Variants in PLAAT3 observed in about 807,000 individuals in gnomAD.
PLAAT3 encodes Ca-independent phospholipase A1/2.
PLAAT3 carries 21 observed loss-of-function variants against 16.7 expected under a neutral mutation model. That is an observed-to-expected ratio of 1.26 (90% CI 0.89 to 1.81). PLAAT3 has a LOEUF of 1.81. Among genes scored for constraint, PLAAT3 ranks in the 40% most tolerant of loss-of-function variants. The probability of loss-of-function intolerance (pLI) is 0.00; values close to 1 mark genes in which losing one functional copy is unlikely to be tolerated. For missense variants in PLAAT3, 219 were observed against 213.7 expected (o/e 1.02, Z -0.16); for synonymous variants, 76 against 81.7 (o/e 0.93, Z 0.38).
At chr11:63,607,321 T>C (rs1038151931) in intron 2 of PLAAT3, among the ~76,000 whole-genome samples, 1 of 152,000 alleles carries the variant, frequency 6.6e-6, no homozygotes, top group African/African-American at 2.4e-5. Flanking sequence ...GTGTTCCTTA[T>C]GAGATCAGCT....
In PLAAT3 at chr11:63,590,276, T is replaced by A. The variant is rs1454336013; in HGVS notation, c.211A>T (p.Ser71Cys). 16 of 1,614,188 alleles carry A rather than the reference T, an allele frequency of 9.9e-6. No homozygotes were observed. The African/African-American group carries it at 2.0e-4, about 20-fold the overall frequency. Reference sequence around the variant, plus strand: ...TTGTTGTTGACCTGGTACTTGTCACTCCCGGCCACATCATACAGCAATTCC... The same window carrying A: ...TTGTTGTTGACCTGGTACTTGTCACACCCGGCCACATCATACAGCAATTCC... ...KKELLYDVAG[S>C]DKYQVNNKHD... Residue 71 changes from serine to cysteine, a missense_variant, in exon 4 of 5, where the codon AGT (serine) becomes TGT (cysteine). Ser to Cys is a moderately radical substitution (Grantham distance 112). Transcript: ENST00000415826.
At chr11:63,611,151 A>T (rs1408273405) in intron 2 of PLAAT3, among the ~76,000 whole-genome samples, 1 of 152,068 alleles carries the variant, frequency 6.6e-6, no homozygotes, top group Non-Finnish European at 1.5e-5. Flanking sequence ...TCTGTCACCC[A>T]GGCTGGAGTG....
intron 2 of PLAAT3, among the ~76,000 whole-genome samples, chr11:63,605,627 C>T (rs1590698890): frequency 6.6e-6 from 1 of 151,800 alleles, no homozygotes; most frequent in East Asian, 2.0e-4. Context: ...ATCTCGGCTC[C>T]CTGCAAGCTC....
intron 4 of PLAAT3, among the ~76,000 whole-genome samples, chr11:63,580,004 T>G (rs1384488178): frequency 6.6e-6 from 1 of 151,848 alleles, no homozygotes; most frequent in Non-Finnish European, 1.5e-5. Context: ...TGACAAATAA[T>G]TCAGACACAC....
upstream of PLAAT3, among the ~76,000 whole-genome samples, chr11:63,615,372 A>G (rs1219804369): frequency 9.1e-6 from 1 of 109,888 alleles, no homozygotes; most frequent in East Asian, 2.9e-4. Flanking sequence ...GTGCATATAT[A>G]TGTGTGTATA....
upstream of PLAAT3, among the ~76,000 whole-genome samples, chr11:63,615,184 A>G (rs372297121): frequency 1.2e-3 from 11 of 9,540 alleles, 1 homozygote; most frequent in African/African-American, 2.0e-3. Flanking sequence ...ATATGTGTGT[A>G]TATATATGTG....
intron 3 of PLAAT3, 40 bp from the exon 4 acceptor site, chr11:63,590,408 G>A (rs1374063126): frequency 2.3e-5 from 37 of 1,596,384 alleles, no homozygotes; most frequent in Non-Finnish European, 3.0e-5. Context: ...ATTGGTCCTG[G>A]GAAGGGCCAC....
At chr11:63,598,205 C>T (rs750267636) in intron 2 of PLAAT3, 42 bp from the exon 3 acceptor site, 11 of 1,393,168 alleles carry the variant, frequency 7.9e-6, no homozygotes, top group East Asian at 4.6e-5. Context: ...AGCATGAGAT[C>T]GTGGAACCAG....
At chr11:63,578,763 A>T (rs1352825979) in intron 4 of PLAAT3, among the ~76,000 whole-genome samples, 1 of 151,778 alleles carries the variant, frequency 6.6e-6, no homozygotes, top group Non-Finnish European at 1.5e-5. Flanking sequence ...TAAAACCATA[A>T]AAACCCTAGA....
intron 3 of PLAAT3, among the ~76,000 whole-genome samples, chr11:63,592,226 G>C (rs1938170856): frequency 1.3e-5 from 2 of 152,014 alleles, no homozygotes; most frequent in African/African-American, 4.8e-5. Context: ...AAATGCAGTG[G>C]TGTGATCTTG....
At chr11:63,611,413 C>A (rs1250401592) in intron 2 of PLAAT3, among the ~76,000 whole-genome samples, 1 of 152,232 alleles carries the variant, frequency 6.6e-6, no homozygotes, top group Non-Finnish European at 1.5e-5. Flanking sequence ...ATTCTAATTG[C>A]TGCAGTTACC....
intron 3 of PLAAT3, among the ~76,000 whole-genome samples, chr11:63,595,699 GT>G (rs200819498): frequency 2.0e-5 from 3 of 151,936 alleles, no homozygotes; most frequent in Admixed American, 1.3e-4. Flanking sequence ...TACATGGATG[GT>G]TTTTTTTAAT....
intron 4 of PLAAT3, among the ~76,000 whole-genome samples, chr11:63,579,464 G>T (rs2134391875): frequency 6.6e-6 from 1 of 152,074 alleles, no homozygotes; most frequent in Non-Finnish European, 1.5e-5. Context: ...CAAAGACTTG[G>T]AACCAACCCA....
At chr11:63,597,150 C>T (rs1277450524) in intron 3 of PLAAT3, among the ~76,000 whole-genome samples, 1 of 151,994 alleles carries the variant, frequency 6.6e-6, no homozygotes, top group Non-Finnish European at 1.5e-5. Context: ...TAAGACCTGC[C>T]TTGCTTCCCC....
At chr11:63,600,867 G>T (rs1938408654) in intron 2 of PLAAT3, among the ~76,000 whole-genome samples, 1 of 151,306 alleles carries the variant, frequency 6.6e-6, no homozygotes, top group Non-Finnish European at 1.5e-5. Flanking sequence ...GCCTCCCAAA[G>T]TTCTGGGATT....
At chr11:63,609,799 T>C (rs1938650248) in intron 2 of PLAAT3, among the ~76,000 whole-genome samples, 1 of 152,046 alleles carries the variant, frequency 6.6e-6, no homozygotes, top group African/African-American at 2.4e-5. Flanking sequence ...CCAAAGGTCA[T>C]AAACATCCTG....
intron 4 of PLAAT3, among the ~76,000 whole-genome samples, chr11:63,588,449 A>C (rs1938042290): frequency 7.2e-6 from 1 of 138,248 alleles, no homozygotes; most frequent in Non-Finnish European, 1.5e-5. Context: ...TAGATGTAGT[A>C]AGTGCCACCA....
At chr11:63,587,375 C>T (rs1424032102) in intron 4 of PLAAT3, among the ~76,000 whole-genome samples, 1 of 152,016 alleles carries the variant, frequency 6.6e-6, no homozygotes, top group African/African-American at 2.4e-5. Flanking sequence ...CTTCAGACTT[C>T]TCTACCACAA....
intron 3 of PLAAT3, 57 bp downstream of exon 3, chr11:63,598,004 T>A: frequency 1.8e-6 from 2 of 1,136,126 alleles, no homozygotes; most frequent in Admixed American, 3.4e-5. Flanking sequence ...CAGTTCCCCA[T>A]CCCCTCTCTT....
Sources: gnomAD v4.1 joint callset for allele counts (sites outside exome capture counted in the v4.1 genomes callset) on GRCh38, gnomAD v4.1.1 for gene constraint, MANE v1.5 for transcripts, NCBI Gene and HGNC (gene_info 2026-07-23, HGNC 2026-07-21) for gene names.